Variants in NDUFA5 observed in about 807,000 individuals in gnomAD.
The protein encoded by NDUFA5 is NADH:ubiquinone oxidoreductase subunit A5, also known as NADH dehydrogenase [ubiquinone] 1 alpha subcomplex subunit 5.
NDUFA5 carries 11 observed loss-of-function variants against 19.8 expected under a neutral mutation model. That is an observed-to-expected ratio of 0.56 (90% CI 0.35 to 0.92). NDUFA5 has a LOEUF of 0.92. Ranked by LOEUF, NDUFA5 falls within the 40% of genes least tolerant of loss-of-function variation. The pLI, the probability that NDUFA5 is intolerant of heterozygous loss-of-function variation, is 0.01. For synonymous variants in NDUFA5, 47 were observed against 46.8 expected, an observed-to-expected ratio of 1.00 and a Z score of -0.01; for missense variants, 109 against 134.2, an observed-to-expected ratio of 0.81 and a Z score of 0.93.
At chr7:123,558,911 A>G (rs993251474), upstream of NDUFA5, among the ~76,000 whole-genome samples, 8 of 152,168 alleles carry the variant, frequency 5.3e-5, no homozygotes, top group African/African-American at 9.6e-5. Flanking sequence ...GAGGCCTTTC[A>G]TTAGAGGCAT....
At chr7:123,552,541 C>T (rs113130688) in intron 2 of NDUFA5, among the ~76,000 whole-genome samples, 1,767 of 147,728 alleles carry the variant, frequency 0.012, 32 homozygotes, top group African/African-American at 0.039. Flanking sequence ...ATGTAGATGA[C>T]GGGTTGATGG....
At position 123,539,157 on chromosome 7, in the gene NDUFA5, G is replaced by A. The variant is rs555984345; in HGVS notation, c.*2962C>T. On this transcript the variant is annotated 3_prime_UTR_variant, in exon 5 of 5. Coordinates refer to ENST00000355749, the MANE Select transcript of NDUFA5 (RefSeq NM_005000.5). ...CAATGACAGACTAGTTGATCCTACTGGTGTGGGAAAGATGGCAACCTTGAG... is the reference window on the plus strand; with the variant it reads ...CAATGACAGACTAGTTGATCCTACTAGTGTGGGAAAGATGGCAACCTTGAG... 6.6e-6 allele frequency: 1 copy of A among 152,196 alleles called. No homozygotes were observed. Among genetic ancestry groups the A allele is most frequent in the Non-Finnish European group, 1.5e-5 (1 of 68,058 alleles). The allele number at this position is 152,196 out of a possible 1,614,324, so 9.4% of individuals were successfully genotyped here. A position where few individuals can be genotyped will look rare whatever the true frequency, so the allele number is the denominator to read the frequency against.
At chr7:123,578,171 A>G in the NDUFA5 span, among the ~76,000 whole-genome samples, 1 of 150,004 alleles carries the variant, frequency 6.7e-6, no homozygotes, top group Non-Finnish European at 1.5e-5. Flanking sequence ...TCAAATTATA[A>G]AAGTTATTCG....
the NDUFA5 span, among the ~76,000 whole-genome samples, chr7:123,599,585 C>T: frequency 4.6e-5 from 7 of 152,154 alleles, no homozygotes; most frequent in Non-Finnish European, 8.8e-5. Context: ...CAAGCTGCCA[C>T]ATTGCTCCCT....
the NDUFA5 span, among the ~76,000 whole-genome samples, chr7:123,597,932 G>GTGTGTC: frequency 1.3e-5 from 2 of 151,210 alleles, no homozygotes; most frequent in African/African-American, 4.9e-5. Flanking sequence ...GTGTGTGTGT[G>GTGTGTC]TGTGTGTGTG....
the NDUFA5 span, among the ~76,000 whole-genome samples, chr7:123,591,780 C>T: frequency 3.3e-5 from 5 of 152,088 alleles, no homozygotes; most frequent in African/African-American, 9.7e-5. Flanking sequence ...AGTGTCTCTG[C>T]CAGGCTTTGG....
chr7:123,557,831 G>T (rs1279543956), upstream of NDUFA5: 31 of 1,613,804 alleles, frequency 1.9e-5, no homozygotes, highest in Non-Finnish European at 2.6e-5. Context: ...ACAACCCTTT[G>T]GGAACAATTC....
chr7:123,545,066 T>C (rs1003599249), intron 4 of NDUFA5, among the ~76,000 whole-genome samples: 2 of 152,082 alleles, frequency 1.3e-5, no homozygotes, highest in Non-Finnish European at 2.9e-5. Context: ...ATAATTTTTC[T>C]AATCTCAGTC....
intron 3 of NDUFA5, chr7:123,546,700 G>C: frequency 1.6e-6 from 2 of 1,288,592 alleles, no homozygotes; most frequent in Non-Finnish European, 2.0e-6. Flanking sequence ...ACTGCCTCAG[G>C]GTATCTTGCT....
the NDUFA5 span, among the ~76,000 whole-genome samples, chr7:123,568,370 A>T: frequency 6.6e-6 from 1 of 151,946 alleles, no homozygotes; most frequent in Non-Finnish European, 1.5e-5. Flanking sequence ...AAAATACAAA[A>T]TTAGCCGGGC....
chr7:123,600,732 G>A, the NDUFA5 span, among the ~76,000 whole-genome samples: 1 of 152,116 alleles, frequency 6.6e-6, no homozygotes, highest in Non-Finnish European at 1.5e-5. Flanking sequence ...TTTTATCACA[G>A]TTAAAGAGGA....
intron 4 of NDUFA5, among the ~76,000 whole-genome samples, chr7:123,544,802 T>G (rs951740532): frequency 4.0e-5 from 6 of 148,862 alleles, no homozygotes; most frequent in African/African-American, 1.5e-4. Context: ...GTTATCATTA[T>G]TTTCCCATAG....
the NDUFA5 span, among the ~76,000 whole-genome samples, chr7:123,589,855 A>G: frequency 6.6e-6 from 1 of 152,190 alleles, no homozygotes; most frequent in Non-Finnish European, 1.5e-5. Context: ...TCGCTAAGTC[A>G]AATGGTATTT....
intron 3 of NDUFA5, 48 bp downstream of exon 3, chr7:123,550,422 T>C (rs1172746037): frequency 2.5e-5 from 6 of 242,370 alleles, no homozygotes; most frequent in Non-Finnish European, 4.1e-5. Flanking sequence ...AACTAAACTT[T>C]TTTGGTTAAA....
chr7:123,572,915 T>C, the NDUFA5 span, among the ~76,000 whole-genome samples: 1 of 152,088 alleles, frequency 6.6e-6, no homozygotes, highest in Non-Finnish European at 1.5e-5. Context: ...TTCTTTTTTC[T>C]CTTTTTTGTC....
intron 4 of NDUFA5, among the ~76,000 whole-genome samples, chr7:123,542,454 G>A (rs1797974759): frequency 1.3e-5 from 2 of 152,240 alleles, no homozygotes; most frequent in African/African-American, 4.8e-5. Context: ...AGGCTATAGT[G>A]TTTAAAAGTT....
chr7:123,570,891 A>G, the NDUFA5 span, among the ~76,000 whole-genome samples: 1 of 152,210 alleles, frequency 6.6e-6, no homozygotes, highest in Admixed American at 6.5e-5. Context: ...AAGAACTCTC[A>G]GCAGGAATAT....
chr7:123,571,420 A>T, the NDUFA5 span, among the ~76,000 whole-genome samples: 1 of 152,230 alleles, frequency 6.6e-6, no homozygotes, highest in East Asian at 1.9e-4. Flanking sequence ...AAATATTTGG[A>T]CTTTCATTTC....
Position 123,557,452 on chromosome 7 carries a change from T to C in NDUFA5, c.22-4A>G. The C allele has an allele frequency of 1.2e-6, 2 of 1,612,444 alleles. No homozygotes were observed. Among genetic ancestry groups the C allele is most frequent in the Non-Finnish European group, 1.7e-6 (2 of 1,179,188 alleles). ...CCAATCCCACAAGGCCAGTGGTCTG[T>C]TCAAAAACAAAACACGATTCATGCT... On this transcript the variant is annotated splice_polypyrimidine_tract_variant and splice_region_variant and intron_variant, in intron 1 of 4. Coordinates refer to ENST00000355749, the MANE Select transcript of NDUFA5 (RefSeq NM_005000.5).
Sources: gnomAD v4.1 joint callset for allele counts (sites outside exome capture counted in the v4.1 genomes callset) on GRCh38, gnomAD v4.1.1 for gene constraint, MANE v1.5 for transcripts, NCBI Gene and HGNC (gene_info 2026-07-23, HGNC 2026-07-21) for gene names.